The following F13A1 variants were observed in gnomAD, a reference collection of about 807,000 sequenced individuals.
F13A1 encodes FSF, A subunit.
In F13A1, 47 loss-of-function variants were observed where a neutral mutation model predicts 80.1. The ratio of observed to expected loss-of-function variants is 0.59; its 90% CI spans 0.46 to 0.75. F13A1 has a LOEUF of 0.75. F13A1 is among the 30% of genes least tolerant of loss of function. The pLI is 0.00. For missense variants in F13A1, 817 were observed against 930.4 expected (o/e 0.88, Z 1.59); for synonymous variants, 349 against 344.9 (o/e 1.01, Z -0.13).
At chr6:6,156,375 A>G (rs972402366) in intron 13 of F13A1, among the ~76,000 whole-genome samples, 20 of 152,224 alleles carry the variant, frequency 1.3e-4, no homozygotes, top group African/African-American at 4.8e-4. Context: ...GATATCTTCC[A>G]CTAAGCATAT....
chr6:6,194,140 A>G (rs1761249034), intron 10 of F13A1, among the ~76,000 whole-genome samples: 1 of 151,988 alleles, frequency 6.6e-6, no homozygotes, highest in South Asian at 2.1e-4. Flanking sequence ...AGCCCTCTAG[A>G]TGTTCCCCAC....
rs181684429 is a variant in F13A1 at position 6,304,375 on chromosome 6, C to T, written c.319+976G>A. ...GCAGATTTCCTATGTTGTGCCACCC[C>T]TGCTTCTCTGTGCATGTATTTCCTT... On this transcript the variant is annotated intron_variant, in intron 3 of 14. Transcript: ENST00000264870. Among the ~76,000 whole-genome samples, 325 of 152,234 alleles carry T rather than the reference C, an allele frequency of 2.1e-3. 5 individuals are homozygous for T. The highest frequency in any genetic ancestry group is 0.019 in the Admixed American group (288 of 15,286).
At chr6:6,266,463 T>C (rs1026489943) in intron 4 of F13A1, 95 bp downstream of exon 4, 30 of 1,588,406 alleles carry the variant, frequency 1.9e-5, no homozygotes, top group Non-Finnish European at 2.4e-5. Context: ...CCTCCCATCT[T>C]GGCCTCCCAA....
chr6:6,152,488 G>A (rs1760396968), intron 13 of F13A1, among the ~76,000 whole-genome samples: 1 of 152,176 alleles, frequency 6.6e-6, no homozygotes, highest in African/African-American at 2.4e-5. Flanking sequence ...TTCTTCTACA[G>A]CCACAGTACC....
intron 6 of F13A1, among the ~76,000 whole-genome samples, chr6:6,240,886 AATACCT>A (rs1583089234): frequency 6.6e-6 from 1 of 152,280 alleles, no homozygotes; most frequent in East Asian, 1.9e-4. Context: ...CATTCTTAGA[AATACCT>A]TGACTTTAAC....
chr6:6,231,362 A>C (rs1313779998), intron 6 of F13A1, among the ~76,000 whole-genome samples: 5 of 152,188 alleles, frequency 3.3e-5, no homozygotes, highest in African/African-American at 1.2e-4. Flanking sequence ...GAATTAACCC[A>C]GTCCAAAAAG....
At chr6:6,185,938 A>G (rs1267899162) in intron 10 of F13A1, among the ~76,000 whole-genome samples, 1 of 149,668 alleles carries the variant, frequency 6.7e-6, no homozygotes, top group Non-Finnish European at 1.5e-5. Context: ...ATGGTATCTC[A>G]TTGTGGTTTT....
intron 8 of F13A1, among the ~76,000 whole-genome samples, chr6:6,199,170 A>G (rs779970136): frequency 2.6e-5 from 4 of 152,230 alleles, no homozygotes; most frequent in Non-Finnish European, 5.9e-5. Context: ...ATGTTAACAC[A>G]TCTGATGTCC....
At chr6:6,208,651 CTT>C (rs1761538471) in intron 8 of F13A1, among the ~76,000 whole-genome samples, 1 of 152,002 alleles carries the variant, frequency 6.6e-6, no homozygotes, top group Non-Finnish European at 1.5e-5. Flanking sequence ...CTCTTTTTTA[CTT>C]TTTTTCTTTT....
intron 3 of F13A1, among the ~76,000 whole-genome samples, chr6:6,295,971 C>T (rs1280333387): frequency 1.4e-5 from 2 of 141,508 alleles, no homozygotes; most frequent in African/African-American, 6.2e-5. Flanking sequence ...TATGGCTAGC[C>T]AGTTTTCCCA....
At chr6:6,181,387 T>C (rs924792678) in intron 11 of F13A1, among the ~76,000 whole-genome samples, 3 of 152,192 alleles carry the variant, frequency 2.0e-5, no homozygotes, top group African/African-American at 4.8e-5. Flanking sequence ...TTGATTGAGA[T>C]AGAATTAAAC....
In F13A1 at chr6:6,206,996, G is replaced by C. The variant is rs555950272; in HGVS notation, c.1113-9670C>G. 4.6e-5 allele frequency among the ~76,000 whole-genome samples: 7 copies of C among 151,944 alleles called. No individual in the cohort carries two copies. In the East Asian group the frequency reaches 1.4e-3, roughly 29 times the overall value. Reference sequence around the variant, plus strand: ...ACTACTGGAAATCTGCTCCTCCATAGAGCAATGAGAACACTTGCAAATATG... The same window carrying C: ...ACTACTGGAAATCTGCTCCTCCATACAGCAATGAGAACACTTGCAAATATG... On this transcript the variant is annotated intron_variant, in intron 8 of 14. Transcript: ENST00000264870.
intron 13 of F13A1, among the ~76,000 whole-genome samples, chr6:6,160,736 CTAAA>C (rs1052270439): frequency 2.0e-5 from 3 of 151,848 alleles, no homozygotes; most frequent in Non-Finnish European, 2.9e-5. Context: ...GCAAGAGTGA[CTAAA>C]TAAAGAGATA....
At chr6:6,185,141 TTA>T (rs1761056102) in intron 10 of F13A1, among the ~76,000 whole-genome samples, 1 of 151,778 alleles carries the variant, frequency 6.6e-6, no homozygotes, top group South Asian at 2.1e-4. Flanking sequence ...TTTTTTTTTT[TTA>T]TTATACTTTA....
intron 13 of F13A1, among the ~76,000 whole-genome samples, chr6:6,164,390 G>T (rs1760628637): frequency 6.6e-6 from 1 of 151,962 alleles, no homozygotes; most frequent in Non-Finnish European, 1.5e-5. Context: ...CTGGGTACCG[G>T]GCTTAGTACC....
intron 3 of F13A1, among the ~76,000 whole-genome samples, chr6:6,269,036 C>A (rs1478621360): frequency 6.6e-6 from 1 of 151,662 alleles, no homozygotes; most frequent in Non-Finnish European, 1.5e-5. Context: ...AAAGTAAAGG[C>A]AGAAGGAAGA....
At chr6:6,197,745 C>T (rs1249882501) in intron 8 of F13A1, among the ~76,000 whole-genome samples, 1 of 151,936 alleles carries the variant, frequency 6.6e-6, no homozygotes, top group Non-Finnish European at 1.5e-5. Context: ...TGGATTAAGC[C>T]AAATCTGAGG....
chr6:6,260,808 C>T (rs1331315813), intron 4 of F13A1, among the ~76,000 whole-genome samples: 3 of 152,164 alleles, frequency 2.0e-5, no homozygotes, highest in East Asian at 1.9e-4. Flanking sequence ...GGAGAATTTG[C>T]TCCTGGGACA....
chr6:6,232,169 A>G (rs916535432), intron 6 of F13A1, among the ~76,000 whole-genome samples: 9 of 152,234 alleles, frequency 5.9e-5, no homozygotes, highest in African/African-American at 2.2e-4. Context: ...AGAATGGATA[A>G]GAACTCACCA....
Sources: allele counts gnomAD v4.1 joint callset (sites outside exome capture counted in the v4.1 genomes callset), GRCh38; gene constraint gnomAD v4.1.1; transcripts MANE v1.5; gene names NCBI Gene and HGNC (gene_info 2026-07-23, HGNC 2026-07-21).